PDGFD: variants seen among roughly 807,000 people sequenced by gnomAD.
The protein encoded by PDGFD is platelet derived growth factor D, also known as platelet-derived growth factor D.
In PDGFD, 30 loss-of-function variants were observed where a neutral mutation model predicts 44.7. The ratio of observed to expected loss-of-function variants is 0.67; its 90% CI spans 0.50 to 0.91. The LOEUF (loss-of-function observed/expected upper bound fraction) is 0.91. PDGFD is among the 40% of genes least tolerant of loss of function. PDGFD has a pLI of 0.00. For missense variants in PDGFD, 445 were observed against 457.8 expected (o/e 0.97, Z 0.25); for synonymous variants, 173 against 168.4 (o/e 1.03, Z -0.21).
At chr11:103,912,991 T>G (rs923349499) in intron 6 of PDGFD, among the ~76,000 whole-genome samples, 9 of 152,106 alleles carry the variant, frequency 5.9e-5, no homozygotes, top group Non-Finnish European at 1.0e-4. Context: ...AGCAAGTTCT[T>G]AGAGACCTAC....
At chr11:103,977,619 C>T (rs183459747) in intron 3 of PDGFD, among the ~76,000 whole-genome samples, 61 of 152,128 alleles carry the variant, frequency 4.0e-4, no homozygotes, top group African/African-American at 1.3e-3. Flanking sequence ...ATCAGCCACT[C>T]GAAATCCCTC....
intron 1 of PDGFD, among the ~76,000 whole-genome samples, chr11:104,069,653 G>T (rs1860844478): frequency 6.6e-6 from 1 of 152,208 alleles, no homozygotes; most frequent in Non-Finnish European, 1.5e-5. Context: ...GAGGTCAGGA[G>T]ATCGAGACCA....
Position 103,920,671 on chromosome 11 carries a change from C to T in PDGFD, c.987+6241G>A, listed in dbSNP as rs192467618. Among the ~76,000 whole-genome samples, 145 of 152,364 alleles carry T rather than the reference C, an allele frequency of 9.5e-4. 1 individual carries two copies. Among genetic ancestry groups the T allele is most frequent in the Non-Finnish European group, 1.5e-3 (105 of 68,036 alleles). ...AACTGAGAAAGCCAGACCAGGCTCT[C>T]ATCTAATTCCACCCACATCTGTCTT... is the stretch of plus-strand genomic sequence containing the variant. On this transcript the variant is annotated intron_variant, in intron 6 of 6. Coordinates refer to ENST00000393158, the MANE Select transcript of PDGFD (RefSeq NM_025208.5).
intron 6 of PDGFD, among the ~76,000 whole-genome samples, chr11:103,921,731 G>A (rs1858225397): frequency 6.6e-6 from 1 of 151,120 alleles, no homozygotes; most frequent in South Asian, 2.1e-4. Context: ...CTTAGAACAA[G>A]AAGAAGTCAT....
At chr11:104,046,847 CT>C (rs1395837161) in intron 1 of PDGFD, among the ~76,000 whole-genome samples, 1 of 146,384 alleles carries the variant, frequency 6.8e-6, no homozygotes, top group African/African-American at 2.5e-5. Context: ...ACCCATCAAC[CT>C]GTCATCTACA....
chr11:103,957,069 C>A (rs2134333752), intron 3 of PDGFD, among the ~76,000 whole-genome samples: 1 of 152,168 alleles, frequency 6.6e-6, no homozygotes, highest in Non-Finnish European at 1.5e-5. Context: ...TTAATTAGAT[C>A]CCATTTGTCA....
At chr11:103,950,069 C>G (rs577494200) in intron 3 of PDGFD, among the ~76,000 whole-genome samples, 1 of 151,890 alleles carries the variant, frequency 6.6e-6, no homozygotes, top group African/African-American at 2.4e-5. Context: ...GAGAATGGAC[C>G]GCATGAGAGA....
chr11:104,141,334 AT>A (rs759734137), intron 1 of PDGFD, among the ~76,000 whole-genome samples: 1 of 151,934 alleles, frequency 6.6e-6, no homozygotes, highest in Admixed American at 6.6e-5. Flanking sequence ...ATGAGATTTA[AT>A]TTTTTTTGTG....
At chr11:104,090,639 A>C (rs895631795) in intron 1 of PDGFD, among the ~76,000 whole-genome samples, 2 of 152,118 alleles carry the variant, frequency 1.3e-5, no homozygotes, top group African/African-American at 4.8e-5. Context: ...AAAAAAAAAA[A>C]AAAAATGTAC....
At position 104,159,998 on chromosome 11, in the gene PDGFD, G is replaced by A. The variant is rs80295217; in HGVS notation, c.124+3806C>T. Among the ~76,000 whole-genome samples the A allele has an allele frequency of 9.3e-3, 1,419 of 152,232 alleles. 27 individuals carry two copies. Among genetic ancestry groups the A allele is most frequent in the African/African-American group, 0.032 (1,321 of 41,538 alleles). On this transcript the variant is annotated intron_variant, in intron 1 of 6. Coordinates refer to ENST00000393158, the MANE Select transcript of PDGFD (RefSeq NM_025208.5). ...TATAGACTTTAATATCCTTAGAGCT[G>A]AACAAAAAATACACAGAAGAGATTC...
intron 1 of PDGFD, among the ~76,000 whole-genome samples, chr11:104,157,887 C>T (rs1862330025): frequency 6.6e-6 from 1 of 151,994 alleles, no homozygotes; most frequent in African/African-American, 2.4e-5. Context: ...ATAGATATTT[C>T]AAAACAACAT....
At chr11:104,148,855 T>C (rs758356953) in intron 1 of PDGFD, among the ~76,000 whole-genome samples, 2 of 152,186 alleles carry the variant, frequency 1.3e-5, no homozygotes, top group African/African-American at 2.4e-5. Context: ...TTTGGTTTTC[T>C]GTTTCTGTTA....
chr11:104,017,784 T>A (rs1164301815), intron 1 of PDGFD, among the ~76,000 whole-genome samples: 2 of 152,196 alleles, frequency 1.3e-5, no homozygotes, highest in Non-Finnish European at 2.9e-5. Flanking sequence ...ACCTAAAGCC[T>A]TGTATATGTA....
chr11:104,007,127 G>A (rs1211209171), intron 1 of PDGFD, among the ~76,000 whole-genome samples: 1 of 152,156 alleles, frequency 6.6e-6, no homozygotes, highest in Non-Finnish European at 1.5e-5. Context: ...CTAAACAAGA[G>A]GAGCCACATG....
At position 104,006,937 on chromosome 11, in the gene PDGFD, G is replaced by A. The variant is rs1039785738; in HGVS notation, c.125-6682C>T. Among the ~76,000 whole-genome samples the A allele has an allele frequency of 3.9e-5, 6 of 152,184 alleles. No individual in the cohort carries two copies. In the East Asian group the frequency reaches 1.2e-3, roughly 29 times the overall value. On this transcript the variant is annotated intron_variant, in intron 1 of 6. Coordinates refer to ENST00000393158, the MANE Select transcript of PDGFD (RefSeq NM_025208.5). ...AGGACCTGGGTACCAAGAGGGCATGGAGCTGGTTAATACTTAAGCTGTCTG... is the reference window on the plus strand; with the variant it reads ...AGGACCTGGGTACCAAGAGGGCATGAAGCTGGTTAATACTTAAGCTGTCTG...
intron 1 of PDGFD, among the ~76,000 whole-genome samples, chr11:104,011,113 T>G (rs1219888110): frequency 1.3e-5 from 2 of 152,080 alleles, no homozygotes; most frequent in African/African-American, 4.8e-5. Context: ...AGAGTAACTT[T>G]AAGAAGTAAC....
Position 104,097,958 on chromosome 11 carries a change from G to A in PDGFD, c.124+65846C>T, listed in dbSNP as rs916880573. On this transcript the variant is annotated intron_variant, in intron 1 of 6. Transcript: ENST00000393158. The stretch of plus-strand genomic sequence containing the variant: ...AAATGGTTGTTCTATTACCTTAAGA[G>A]GAAAACTGCAACTGTCCTCTCCAAA... Among the ~76,000 whole-genome samples, 14 of 152,208 alleles carry A rather than the reference G, an allele frequency of 9.2e-5. No individual in the cohort carries two copies. The South Asian group carries it at 1.5e-3, about 16-fold the overall frequency.
At chr11:104,114,070 C>A (rs1281515143) in intron 1 of PDGFD, among the ~76,000 whole-genome samples, 1 of 151,906 alleles carries the variant, frequency 6.6e-6, no homozygotes, top group Non-Finnish European at 1.5e-5. Flanking sequence ...TTTATGGTGT[C>A]TTTTACAAAG....
At chr11:104,117,578 T>C (rs192348401) in intron 1 of PDGFD, among the ~76,000 whole-genome samples, 6 of 152,070 alleles carry the variant, frequency 3.9e-5, no homozygotes, top group East Asian at 1.9e-4. Context: ...AGCTCTTCTA[T>C]ACACCAAAAA....
Sources: allele counts gnomAD v4.1 joint callset (sites outside exome capture counted in the v4.1 genomes callset), GRCh38; gene constraint gnomAD v4.1.1; transcripts MANE v1.5; gene names NCBI Gene and HGNC (gene_info 2026-07-23, HGNC 2026-07-21).